HRH1: variants seen among roughly 807,000 people sequenced by gnomAD.
HRH1 encodes histamine H1 receptor.
Under a neutral mutation model 10.3 loss-of-function variants are expected in HRH1, and 6 were observed. The ratio of observed to expected loss-of-function variants is 0.58; its 90% CI spans 0.32 to 1.15. The LOEUF (loss-of-function observed/expected upper bound fraction) is 1.15, where lower values mean the gene tolerates loss of function less well. Among genes scored for constraint, HRH1 ranks in the 50% most tolerant of loss-of-function variants. HRH1 has a pLI of 0.05. For synonymous variants in HRH1, 242 were observed against 236.7 expected (o/e 1.02, Z -0.21); for missense variants, 514 against 615.3 (o/e 0.84, Z 1.74).
chr3:11,250,208 A>ATTTTTTTTTTTTTT (rs71055857), intron 1 of HRH1, among the ~76,000 whole-genome samples: 21 of 106,890 alleles, frequency 2.0e-4, no homozygotes, highest in Non-Finnish European at 2.6e-4. Context: ...CACCCGGCTA[A>ATTTTTTTTTTTTTT]TTTTTTTTTT....
At chr3:11,183,786 C>T (rs1052339427) in intron 1 of HRH1, among the ~76,000 whole-genome samples, 4 of 147,998 alleles carry the variant, frequency 2.7e-5, no homozygotes, top group South Asian at 2.1e-4. Context: ...GGTGCGATCT[C>T]GGCTCACTGC....
At chr3:11,235,464 A>G (rs1393027392) in intron 1 of HRH1, among the ~76,000 whole-genome samples, 3 of 152,108 alleles carry the variant, frequency 2.0e-5, no homozygotes, top group Non-Finnish European at 4.4e-5. Flanking sequence ...TGACACTTGA[A>G]GGGCGTGGCT....
At chr3:11,257,358 C>T (rs1939808624) in intron 1 of HRH1, among the ~76,000 whole-genome samples, 3 of 150,614 alleles carry the variant, frequency 2.0e-5, no homozygotes, top group Admixed American at 6.6e-5. Flanking sequence ...GAGTTCAAGT[C>T]CAGCCTGACC....
chr3:11,147,174 C>T (rs954431680), intron 1 of HRH1, among the ~76,000 whole-genome samples: 1 of 152,170 alleles, frequency 6.6e-6, no homozygotes, highest in Non-Finnish European at 1.5e-5. Context: ...ATTTGTTTTC[C>T]TTTCCTCTTC....
chr3:11,248,958 C>A (rs555773238), intron 1 of HRH1, among the ~76,000 whole-genome samples: 3 of 152,300 alleles, frequency 2.0e-5, no homozygotes, highest in East Asian at 3.9e-4. Flanking sequence ...ATTTAGCTTG[C>A]GGATGGAATA....
At chr3:11,183,008 T>C (rs1937386462) in intron 1 of HRH1, among the ~76,000 whole-genome samples, 1 of 152,218 alleles carries the variant, frequency 6.6e-6, no homozygotes, top group Non-Finnish European at 1.5e-5. Context: ...TCAGAAATGT[T>C]CTAATAACCA....
chr3:11,223,527 A>G (rs1273057327), intron 1 of HRH1, among the ~76,000 whole-genome samples: 3 of 151,862 alleles, frequency 2.0e-5, no homozygotes, highest in Non-Finnish European at 4.4e-5. Context: ...CGCTCCTTAC[A>G]GAGCTCTCCG....
At chr3:11,172,250 T>G (rs374485619) in intron 1 of HRH1, among the ~76,000 whole-genome samples, 1 of 152,202 alleles carries the variant, frequency 6.6e-6, no homozygotes, top group African/African-American at 2.4e-5. Context: ...GGAGTGGCAA[T>G]GAAAGTCTGG....
chr3:11,198,900 TTA>T (rs57649188), intron 1 of HRH1, among the ~76,000 whole-genome samples: 39,147 of 149,356 alleles, frequency 0.26, 5,392 homozygotes, highest in Admixed American at 0.34. Context: ...CTCTCTCTCT[TTA>T]TACACACACA....
chr3:11,153,760 C>G (rs1245202409), upstream of HRH1, among the ~76,000 whole-genome samples: 1 of 152,238 alleles, frequency 6.6e-6, no homozygotes, highest in South Asian at 2.1e-4. Flanking sequence ...GGGCCTCACC[C>G]CCACCCCACT....
intron 1 of HRH1, among the ~76,000 whole-genome samples, chr3:11,211,898 T>C (rs1938338177): frequency 1.3e-5 from 2 of 152,204 alleles, no homozygotes; most frequent in African/African-American, 2.4e-5. Flanking sequence ...ATCAGAATCA[T>C]TGGAGGTTCT....
At chr3:11,138,660 A>G (rs1246844696) in intron 1 of HRH1, among the ~76,000 whole-genome samples, 5 of 152,118 alleles carry the variant, frequency 3.3e-5, no homozygotes, top group Non-Finnish European at 7.4e-5. Flanking sequence ...AAAATGGAAA[A>G]CATCTGTTCA....
chr3:11,151,821 G>A (rs1407596165), upstream of HRH1, among the ~76,000 whole-genome samples: 9 of 152,076 alleles, frequency 5.9e-5, no homozygotes, highest in African/African-American at 2.2e-4. Context: ...TAAAATTCTG[G>A]GTGTGACATA....
At chr3:11,210,297 G>T (rs139626901) in intron 1 of HRH1, among the ~76,000 whole-genome samples, 11 of 152,288 alleles carry the variant, frequency 7.2e-5, no homozygotes, top group South Asian at 6.2e-4. Flanking sequence ...GGGATGCTGA[G>T]ATGGGAGAGT....
intron 1 of HRH1, among the ~76,000 whole-genome samples, chr3:11,209,828 C>T (rs1938264322): frequency 6.6e-6 from 1 of 152,190 alleles, no homozygotes; most frequent in South Asian, 2.1e-4. Flanking sequence ...TCAGCTAGTA[C>T]AGGATGAGGC....
intron 1 of HRH1, among the ~76,000 whole-genome samples, chr3:11,212,141 C>G (rs2125034807): frequency 6.6e-6 from 1 of 152,284 alleles, no homozygotes; most frequent in African/African-American, 2.4e-5. Flanking sequence ...ATATGATATC[C>G]TTTTGCCTCA....
chr3:11,206,550 G>T (rs1283913136), intron 1 of HRH1, among the ~76,000 whole-genome samples: 1 of 152,258 alleles, frequency 6.6e-6, no homozygotes, highest in East Asian at 1.9e-4. Flanking sequence ...TGACGTCATT[G>T]TTATTATAGC....
intron 1 of HRH1, among the ~76,000 whole-genome samples, chr3:11,161,626 G>C (rs1427871290): frequency 6.6e-6 from 1 of 152,216 alleles, no homozygotes; most frequent in Non-Finnish European, 1.5e-5. Context: ...ATTCATAACA[G>C]AGCGCCTGGC....
At chr3:11,254,750 C>CA (rs1394667934) in intron 1 of HRH1, among the ~76,000 whole-genome samples, 2 of 152,254 alleles carry the variant, frequency 1.3e-5, no homozygotes, top group African/African-American at 4.8e-5. Flanking sequence ...CCTGGTGCCA[C>CA]AAAGAAAAAC....
Sources: allele counts gnomAD v4.1 joint callset (sites outside exome capture counted in the v4.1 genomes callset), GRCh38; gene constraint gnomAD v4.1.1; transcripts MANE v1.5; gene names NCBI Gene and HGNC (gene_info 2026-07-23, HGNC 2026-07-21).